Variants in M1AP observed in about 807,000 individuals in gnomAD.
The protein encoded by M1AP is meiosis 1 arrest protein.
Under a neutral mutation model 51.2 loss-of-function variants are expected in M1AP, and 39 were observed. The observed-to-expected ratio is 0.76, with a 90% CI of 0.59 to 1.00. The LOEUF (loss-of-function observed/expected upper bound fraction) is 1.00. M1AP is among the 50% of genes least tolerant of loss of function. The pLI is 0.00. For missense variants in M1AP, 545 were observed against 641.2 expected (o/e 0.85, Z 1.62); for synonymous variants, 251 against 249.2 (o/e 1.01, Z -0.07).
intron 7 of M1AP, among the ~76,000 whole-genome samples, chr2:74,565,679 A>C (rs1409136455): frequency 6.6e-6 from 1 of 151,946 alleles, no homozygotes; most frequent in Non-Finnish European, 1.5e-5. Flanking sequence ...AAATACAAAA[A>C]TTAGCCGGGA....
At chr2:74,581,948 C>CAAAAA in intron 4 of M1AP, 101 bp from the exon 5 acceptor site, 5 of 1,039,348 alleles carry the variant, frequency 4.8e-6, no homozygotes, top group Non-Finnish European at 7.1e-6. Flanking sequence ...ACGGGGGTCT[C>CAAAAA]ATTATGTCAC....
At chr2:74,587,292 G>C (rs971222920) in intron 4 of M1AP, among the ~76,000 whole-genome samples, 1 of 151,420 alleles carries the variant, frequency 6.6e-6, no homozygotes, top group Non-Finnish European at 1.5e-5. Context: ...TCCACCTCCC[G>C]GGTTCACGCC....
chr2:74,621,683 C>T (rs1251905958), intron 2 of M1AP, among the ~76,000 whole-genome samples: 1 of 151,866 alleles, frequency 6.6e-6, no homozygotes, highest in Non-Finnish European at 1.5e-5. Flanking sequence ...GTCCCAGCTA[C>T]TCGGGAGGCT....
intron 4 of M1AP, among the ~76,000 whole-genome samples, chr2:74,587,770 T>C (rs1416795616): frequency 6.6e-6 from 1 of 152,010 alleles, no homozygotes; most frequent in Non-Finnish European, 1.5e-5. Context: ...CCCTTAGTGT[T>C]TGGATAGTTA....
At chr2:74,614,107 T>C (rs1681525154) in intron 3 of M1AP, among the ~76,000 whole-genome samples, 1 of 152,150 alleles carries the variant, frequency 6.6e-6, no homozygotes, top group African/African-American at 2.4e-5. Context: ...ATTTTAGACA[T>C]GTCTACACCT....
intron 1 of M1AP, chr2:74,647,401 C>T: frequency 1.0e-6 from 1 of 985,384 alleles, no homozygotes; most frequent in Non-Finnish European, 1.2e-6. Flanking sequence ...TTCAATGGTT[C>T]TCCCTCTGGC....
chr2:74,602,425 G>A (rs1207698995), intron 4 of M1AP, among the ~76,000 whole-genome samples: 1 of 151,996 alleles, frequency 6.6e-6, no homozygotes, highest in African/African-American at 2.4e-5. Flanking sequence ...TTAATAATAA[G>A]TATAGCTAAC....
chr2:74,612,725 A>G (rs937470382), intron 3 of M1AP, among the ~76,000 whole-genome samples: 1 of 152,036 alleles, frequency 6.6e-6, no homozygotes, highest in Admixed American at 6.6e-5. Context: ...ATTTGACTCA[A>G]GATTTTAAAC....
chr2:74,592,690 C>T (rs905618160), intron 4 of M1AP, among the ~76,000 whole-genome samples: 14 of 151,904 alleles, frequency 9.2e-5, no homozygotes, highest in African/African-American at 3.4e-4. Flanking sequence ...CTTTATTGTA[C>T]CTGGATTTTG....
intron 2 of M1AP, among the ~76,000 whole-genome samples, chr2:74,623,902 G>A (rs895487278): frequency 2.6e-5 from 4 of 152,076 alleles, no homozygotes; most frequent in Non-Finnish European, 4.4e-5. Context: ...GAACTCATGC[G>A]CTCAAGCGAT....
chr2:74,575,640 C>T, intron 6 of M1AP, 61 bp from the exon 7 acceptor site: 1 of 1,309,740 alleles, frequency 7.6e-7, no homozygotes, highest in Non-Finnish European at 1.1e-6. Flanking sequence ...CCACCTAGAT[C>T]CACTTCAATT....
chr2:74,560,359 G>A (rs920618964), intron 8 of M1AP, 68 bp from the exon 9 acceptor site: 6 of 1,488,466 alleles, frequency 4.0e-6, no homozygotes, highest in African/African-American at 2.8e-5. Flanking sequence ...GTCAGGTAGC[G>A]ATCCAGGAGT....
At chr2:74,591,448 A>G (rs1254125085) in intron 4 of M1AP, among the ~76,000 whole-genome samples, 1 of 152,248 alleles carries the variant, frequency 6.6e-6, no homozygotes. Flanking sequence ...TCTATAAACC[A>G]AAAAGCATTT....
intron 4 of M1AP, 114 bp downstream of exon 4, chr2:74,606,941 C>T (rs990461440): frequency 2.6e-5 from 16 of 612,592 alleles, no homozygotes; most frequent in Admixed American, 1.6e-4. Flanking sequence ...ATGTGCACAA[C>T]GTGCAGGTTT....
chr2:74,617,559 A>C (rs1406406301), intron 2 of M1AP, among the ~76,000 whole-genome samples: 3 of 152,220 alleles, frequency 2.0e-5, no homozygotes, highest in Non-Finnish European at 4.4e-5. Flanking sequence ...GAGGATCAGA[A>C]AAAATAACTA....
intron 2 of M1AP, among the ~76,000 whole-genome samples, chr2:74,639,384 A>T (rs1462764200): frequency 6.6e-6 from 1 of 152,234 alleles, no homozygotes; most frequent in Non-Finnish European, 1.5e-5. Flanking sequence ...AACCTCTGGA[A>T]GTCTTTCTCT....
chr2:74,623,503 TAA>T (rs1167122572), intron 2 of M1AP, among the ~76,000 whole-genome samples: 27 of 117,680 alleles, frequency 2.3e-4, no homozygotes, highest in East Asian at 2.4e-4. Flanking sequence ...ACTCTGTCTA[TAA>T]AAAAAAAAAA....
chr2:74,581,952 A>T (rs1238164162), intron 4 of M1AP, 105 bp from the exon 5 acceptor site: 1 of 1,016,632 alleles, frequency 9.8e-7, no homozygotes, highest in Non-Finnish European at 1.4e-6. Context: ...GGGTCTCATT[A>T]TGTCACCCAG....
At chr2:74,629,940 C>CTT (rs769023462) in intron 2 of M1AP, among the ~76,000 whole-genome samples, 44 of 136,830 alleles carry the variant, frequency 3.2e-4, no homozygotes, top group African/African-American at 1.0e-3. Flanking sequence ...AGATTCACAA[C>CTT]TTTTTTTTTT....
Sources: gnomAD v4.1 joint callset for allele counts (sites outside exome capture counted in the v4.1 genomes callset) on GRCh38, gnomAD v4.1.1 for gene constraint, MANE v1.5 for transcripts, NCBI Gene and HGNC (gene_info 2026-07-23, HGNC 2026-07-21) for gene names.